Variants in PROM1 observed in about 807,000 individuals in gnomAD.
PROM1 encodes prominin-1.
PROM1 carries 105 observed loss-of-function variants against 116.9 expected under a neutral mutation model. The ratio of observed to expected loss-of-function variants is 0.90; its 90% confidence interval spans 0.77 to 1.06. The LOEUF is 1.06. PROM1 is among the 50% of genes least tolerant of loss of function. PROM1 has a pLI of 0.00. For synonymous variants in PROM1, 393 were observed against 387.0 expected (o/e 1.02, Z -0.18); for missense variants, 1,122 against 1,045.2 (o/e 1.07, Z -1.01).
At chr4:16,041,747 CAAATAAAT>C (rs777799271) in intron 2 of PROM1, among the ~76,000 whole-genome samples, 199 of 82,076 alleles carry the variant, frequency 2.4e-3, no homozygotes, top group East Asian at 5.6e-3. Flanking sequence ...GACCCTGCCT[CAAATAAAT>C]AAATAAATAA....
chr4:15,984,718 A>T (rs1560403142), intron 22 of PROM1, among the ~76,000 whole-genome samples: 1 of 152,210 alleles, frequency 6.6e-6, no homozygotes, highest in African/African-American at 2.4e-5. Flanking sequence ...AGGAATCTCA[A>T]TTGTGCTCCT....
intron 5 of PROM1, among the ~76,000 whole-genome samples, chr4:16,030,602 C>T (rs538872133): frequency 2.3e-4 from 35 of 152,030 alleles, no homozygotes; most frequent in Admixed American, 5.2e-4. Flanking sequence ...AAATGGAAGC[C>T]AAGTTTATTT....
chr4:16,038,647 C>T (rs539326628), intron 3 of PROM1, among the ~76,000 whole-genome samples: 3 of 152,020 alleles, frequency 2.0e-5, no homozygotes, highest in African/African-American at 4.8e-5. Flanking sequence ...GTGATCTGCC[C>T]GCCTCAGCCT....
At chr4:16,066,838 G>T (rs1038525549) in intron 2 of PROM1, among the ~76,000 whole-genome samples, 1 of 152,204 alleles carries the variant, frequency 6.6e-6, no homozygotes, top group African/African-American at 2.4e-5. Flanking sequence ...TGTCATCGCT[G>T]AAGATCAGCA....
chr4:15,998,917 A>ATGG, intron 14 of PROM1, among the ~76,000 whole-genome samples: 1 of 152,020 alleles, frequency 6.6e-6, no homozygotes. Flanking sequence ...TCTAGTAGAA[A>ATGG]CAGCATTTCA....
chr4:16,040,421 A>G (rs1000007572), intron 2 of PROM1, among the ~76,000 whole-genome samples: 9 of 152,214 alleles, frequency 5.9e-5, no homozygotes, highest in African/African-American at 2.2e-4. Flanking sequence ...ACCAGTCAGC[A>G]TTACTTTGGT....
At chr4:15,978,297 T>A (rs141250201) in intron 26 of PROM1, among the ~76,000 whole-genome samples, 2 of 152,154 alleles carry the variant, frequency 1.3e-5, no homozygotes, top group Non-Finnish European at 2.9e-5. Context: ...TAATGAAAAG[T>A]TCTGATTTTT....
intron 23 of PROM1, 62 bp downstream of exon 23, chr4:15,984,201 T>A (rs1718697470): frequency 7.7e-7 from 1 of 1,304,010 alleles, no homozygotes; most frequent in Non-Finnish European, 1.1e-6. Flanking sequence ...TATATCATAA[T>A]CCAGAAAAAC....
rs34850856 is a variant in PROM1 at position 16,021,098 on chromosome 4, CA to C, written c.784+2227del. Among the ~76,000 whole-genome samples the C allele has an allele frequency of 5.9e-3, 765 of 130,040 alleles. 3 individuals carry two copies. Among genetic ancestry groups the C allele is most frequent in the African/African-American group, 0.017 (570 of 34,200 alleles). 85.3% of individuals were successfully genotyped at this position (130,040 alleles called of 152,430 possible). A position where few individuals can be genotyped will look rare whatever the true frequency, so the allele number is the denominator to read the frequency against. ...CACAGGGCTGCAAATCATTTTTAGCCAAAAAAAAAAAAAAAATGCTGGAGTA... is the reference window on the plus strand; with the variant it reads ...CACAGGGCTGCAAATCATTTTTAGCCAAAAAAAAAAAAAAATGCTGGAGTA... On this transcript the variant is annotated intron_variant, in intron 8 of 27. Transcript: ENST00000447510.
chr4:16,003,418 G>C (rs1028932477), intron 13 of PROM1: 9 of 456,532 alleles, frequency 2.0e-5, no homozygotes, highest in Non-Finnish European at 4.0e-5. Flanking sequence ...TTGCTATATA[G>C]CCTGACAAAC....
intron 7 of PROM1, 35 bp downstream of exon 7, chr4:16,024,259 GA>G (rs773505279): frequency 1.4e-5 from 22 of 1,574,022 alleles, no homozygotes; most frequent in South Asian, 9.1e-5. Context: ...TCAAAACAAA[GA>G]AAAAAAATGT....
At chr4:15,980,618 T>C (rs1454698960) in intron 23 of PROM1, 81 bp from the exon 24 acceptor site, 10 of 911,290 alleles carry the variant, frequency 1.1e-5, no homozygotes, top group Non-Finnish European at 1.6e-5. Flanking sequence ...TTTTTTTTTT[T>C]TTTTTTTTTT....
chr4:16,012,849 C>G (rs934970485), intron 11 of PROM1, among the ~76,000 whole-genome samples: 1 of 128,816 alleles, frequency 7.8e-6, no homozygotes, highest in African/African-American at 3.0e-5. Flanking sequence ...CCAGCCTGAG[C>G]GACAGAGCGA....
intron 8 of PROM1, among the ~76,000 whole-genome samples, chr4:16,021,479 T>C (rs1438501884): frequency 1.3e-5 from 2 of 152,228 alleles, no homozygotes; most frequent in Non-Finnish European, 2.9e-5. Flanking sequence ...ACATAATATA[T>C]GTGAGCTTGG....
chr4:16,042,056 C>T (rs1735427300), intron 2 of PROM1, among the ~76,000 whole-genome samples: 1 of 152,106 alleles, frequency 6.6e-6, no homozygotes, highest in Non-Finnish European at 1.5e-5. Context: ...TCAAACGATC[C>T]TCTCACCTTG....
chr4:16,058,230 T>C (rs974306832), intron 2 of PROM1, among the ~76,000 whole-genome samples: 1 of 152,198 alleles, frequency 6.6e-6, no homozygotes, highest in Non-Finnish European at 1.5e-5. Flanking sequence ...CAAAGCCCAG[T>C]GGACTTCAGA....
At chr4:16,055,294 G>A (rs2149486396) in intron 2 of PROM1, 1 of 436,158 alleles carries the variant, frequency 2.3e-6, no homozygotes, top group Admixed American at 2.5e-5. Flanking sequence ...CAGCTACTCA[G>A]GAGGCTGAGG....
intron 2 of PROM1, among the ~76,000 whole-genome samples, chr4:16,068,844 C>T (rs1742151573): frequency 6.6e-6 from 1 of 152,156 alleles, no homozygotes; most frequent in Non-Finnish European, 1.5e-5. Flanking sequence ...TACCAACTCA[C>T]CCAACTCCAC....
At chr4:15,979,860 A>G (rs1354541128) in intron 25 of PROM1, 21 bp downstream of exon 25, 4 of 1,443,860 alleles carry the variant, frequency 2.8e-6, no homozygotes, top group African/African-American at 1.4e-5. Flanking sequence ...CTAGGAATAT[A>G]GTTTTTTTAA....
Sources: allele counts gnomAD v4.1 joint callset (sites outside exome capture counted in the v4.1 genomes callset), GRCh38; gene constraint gnomAD v4.1.1; transcripts MANE v1.5; gene names NCBI Gene and HGNC (gene_info 2026-07-23, HGNC 2026-07-21).